The following RNF144B variants were observed in gnomAD, a reference collection of about 807,000 sequenced individuals.
RNF144B encodes the protein E3 ubiquitin-protein ligase RNF144B.
A neutral mutation model predicts 40.2 loss-of-function variants in RNF144B; 25 were observed. That is an observed-to-expected ratio of 0.62 (90% CI 0.45 to 0.87). The LOEUF (loss-of-function observed/expected upper bound fraction) is 0.87. RNF144B is among the 40% of genes least tolerant of loss of function. The pLI is 0.00. For missense variants in RNF144B, 365 were observed against 373.7 expected, an observed-to-expected ratio of 0.98 and a Z score of 0.19; for synonymous variants, 145 against 136.3, an observed-to-expected ratio of 1.06 and a Z score of -0.44.
chr6:18,455,397 GGA>G (rs1296690858), intron 4 of RNF144B, among the ~76,000 whole-genome samples: 1 of 152,144 alleles, frequency 6.6e-6, no homozygotes, highest in African/African-American at 2.4e-5. Flanking sequence ...AGACATTAGT[GGA>G]GACAGTATTT....
rs374374293 is a variant in RNF144B, at chr6:18,434,621, T to TTTTG, written c.271-5051_271-5048dup. ...GCTGAGTAGGAACTGAGTGTTTTTG[T>TTTTG]TTTGTTTGTTTGTTTTTTTAGACAG... is the stretch of plus-strand genomic sequence containing the variant. On this transcript the variant is annotated intron_variant, in intron 3 of 7. Transcript: ENST00000259939. This position sits in a 1 kb window ranked among gnomAD's most constrained non-coding sequence, Gnocchi z 4.1. Among the ~76,000 whole-genome samples, 1,125 of 146,818 alleles carry TTTTG rather than the reference T, an allele frequency of 7.7e-3. 17 individuals carry two copies. The highest frequency in any genetic ancestry group is 0.026 in the African/African-American group (1,054 of 40,902).
At chr6:18,428,711 T>C (rs1758623737) in intron 3 of RNF144B, among the ~76,000 whole-genome samples, 4 of 152,130 alleles carry the variant, frequency 2.6e-5, no homozygotes. Flanking sequence ...CACCCCCCAG[T>C]TGTTTTCATT....
intron 3 of RNF144B, among the ~76,000 whole-genome samples, chr6:18,429,865 G>A (rs1758655164): frequency 6.6e-6 from 1 of 152,116 alleles, no homozygotes; most frequent in African/African-American, 2.4e-5. Context: ...CTGGGCTGGA[G>A]AGGAGAATAA....
chr6:18,437,734 A>G (rs1180853390), intron 3 of RNF144B, among the ~76,000 whole-genome samples: 1 of 152,218 alleles, frequency 6.6e-6, no homozygotes, highest in Non-Finnish European at 1.5e-5. Context: ...TTATTTTTCT[A>G]ATTTAAAATT....
intron 2 of RNF144B, among the ~76,000 whole-genome samples, chr6:18,403,909 C>G (rs1794842426): frequency 6.6e-6 from 1 of 152,158 alleles, no homozygotes; most frequent in African/African-American, 2.4e-5. Flanking sequence ...TTTCTAAAAA[C>G]TCACTCTGGC....
intron 2 of RNF144B, among the ~76,000 whole-genome samples, chr6:18,403,372 A>T (rs1197335018): frequency 6.6e-6 from 1 of 152,246 alleles, no homozygotes; most frequent in African/African-American, 2.4e-5. Flanking sequence ...TTTATAACTT[A>T]GATAATTTCA....
At position 18,446,395 on chromosome 6, in the gene RNF144B, G is replaced by A. The variant is rs1227896534; in HGVS notation, c.331+6651G>A. Among the ~76,000 whole-genome samples the A allele has an allele frequency of 1.3e-5, 2 of 152,124 alleles. No individual in the cohort carries two copies. Among genetic ancestry groups the A allele is most frequent in the Non-Finnish European group, 2.9e-5 (2 of 68,020 alleles). ...TGCTGTGCTCAGATATCTTTTCAGT[G>A]GAATCTGGCCAGATTTCTATGTCTG... On this transcript the variant is annotated intron_variant, in intron 4 of 7. Transcript: ENST00000259939. This position sits in a 1 kb window ranked among gnomAD's most constrained non-coding sequence, Gnocchi z 4.7.
Position 18,398,454 on chromosome 6 carries a change from C to G in RNF144B, c.-36-1045C>G, listed in dbSNP as rs1053734544. On this transcript the variant is annotated intron_variant, in intron 1 of 7. Coordinates refer to ENST00000259939, the MANE Select transcript of RNF144B (RefSeq NM_182757.4). The surrounding 1 kb of genome is among the most constrained non-coding windows in gnomAD (Gnocchi z 5.0). The stretch of plus-strand genomic sequence containing the variant: ...TGACGCAATCTTGACTCACTGCAAC[C>G]TCTGCCTCCTGGGTTCAAGTGATTC... Among the ~76,000 whole-genome samples, 1 of 152,102 alleles carries G rather than the reference C, an allele frequency of 6.6e-6. No homozygotes were observed. The highest frequency in any genetic ancestry group is 2.4e-5 in the African/African-American group (1 of 41,344).
intron 6 of RNF144B, among the ~76,000 whole-genome samples, chr6:18,462,646 C>T (rs1001930085): frequency 6.8e-6 from 1 of 147,156 alleles, no homozygotes; most frequent in South Asian, 2.3e-4. Flanking sequence ...GAGCTAGTTT[C>T]TCTGCTGAGG....
At position 18,460,057 on chromosome 6, in the gene RNF144B, G is replaced by A. The variant is rs1445002564; in HGVS notation, c.681+306G>A. Among the ~76,000 whole-genome samples, 2 of 152,110 alleles carry A rather than the reference G, an allele frequency of 1.3e-5. No individual in the cohort carries two copies. The highest frequency in any genetic ancestry group is 2.9e-5 in the Non-Finnish European group (2 of 68,040). The stretch of plus-strand genomic sequence containing the variant: ...CTTCATTTTATATTGCTGTTGTAAC[G>A]AATTAGCACATACTTAGTGGCTTAA... On this transcript the variant is annotated intron_variant, in intron 6 of 7. Transcript: ENST00000259939. The surrounding 1 kb of genome is among the most constrained non-coding windows in gnomAD (Gnocchi z 4.4).
Position 18,406,043 on chromosome 6 carries a change from C to T in RNF144B, c.165+6344C>T, listed in dbSNP as rs757613712. The T allele has an allele frequency of 3.9e-6, 2 of 518,644 alleles. No homozygotes were observed. Among genetic ancestry groups the T allele is most frequent in the African/African-American group, 1.9e-5 (1 of 51,934 alleles). The allele number at this position is 518,644 out of a possible 1,614,324, so 32.1% of individuals were successfully genotyped here. A position where few individuals can be genotyped will look rare whatever the true frequency, so the allele number is the denominator to read the frequency against. On this transcript the variant is annotated intron_variant, in intron 2 of 7. Transcript: ENST00000259939. The surrounding 1 kb of genome is among the most constrained non-coding windows in gnomAD (Gnocchi z 4.2). ...AGAGAATGGGTCTCAAGTTTGGTAG[C>T]TTAGGCTTTATTTATTCAACAAATA...
rs914011550 is a variant in RNF144B, at chr6:18,448,141, T to TTTTTG, written c.331+8417_331+8421dup. On this transcript the variant is annotated intron_variant, in intron 4 of 7. Coordinates refer to ENST00000259939, the MANE Select transcript of RNF144B (RefSeq NM_182757.4). The surrounding 1 kb of genome is among the most constrained non-coding windows in gnomAD (Gnocchi z 4.0). ...ATATATTAACTCTTTCAAGGAGTGT[T>TTTTTG]TTTTGTTTTGTTTTGTTTTGTTTTT... is the stretch of plus-strand genomic sequence containing the variant. Among the ~76,000 whole-genome samples the TTTTTG allele has an allele frequency of 6.6e-5, 10 of 152,092 alleles. No homozygotes were observed. The highest frequency in any genetic ancestry group is 2.1e-4 in the South Asian group (1 of 4,802).
intron 1 of RNF144B, among the ~76,000 whole-genome samples, chr6:18,397,410 A>C (rs937510070): frequency 6.6e-6 from 1 of 152,192 alleles, no homozygotes; most frequent in Non-Finnish European, 1.5e-5. Flanking sequence ...ATTTATTAGA[A>C]TTGGCCACTC....
intron 2 of RNF144B, among the ~76,000 whole-genome samples, chr6:18,413,275 C>T (rs1795083245): frequency 6.6e-6 from 1 of 152,162 alleles, no homozygotes; most frequent in South Asian, 2.1e-4. Context: ...CCTGAAATGT[C>T]TAAAGCTTGA....
At position 18,412,480 on chromosome 6, in the gene RNF144B, A is replaced by C. The variant is rs1795067547; in HGVS notation, c.165+12781A>C. Among the ~76,000 whole-genome samples the C allele has an allele frequency of 6.6e-6, 1 of 152,240 alleles. No homozygotes were observed. The highest frequency in any genetic ancestry group is 1.5e-5 in the Non-Finnish European group (1 of 68,036). On this transcript the variant is annotated intron_variant, in intron 2 of 7. Transcript: ENST00000259939. This position sits in a 1 kb window ranked among gnomAD's most constrained non-coding sequence, Gnocchi z 4.2. ...AGTTAGAAAAAAATGGGCCATATCTAGAAAAGTATATTACACATAGAAGAC... is the reference window on the plus strand; with the variant it reads ...AGTTAGAAAAAAATGGGCCATATCTCGAAAAGTATATTACACATAGAAGAC...
intron 1 of RNF144B, among the ~76,000 whole-genome samples, chr6:18,397,443 G>A (rs1261645233): frequency 6.6e-6 from 1 of 152,060 alleles, no homozygotes; most frequent in Non-Finnish European, 1.5e-5. Flanking sequence ...AAGAACTATA[G>A]GATTTTGCTT....
rs1394025469 is a variant in RNF144B, at chr6:18,446,838, A to AGG, written c.331+7096_331+7097dup. Among the ~76,000 whole-genome samples, 14 of 103,962 alleles carry AGG rather than the reference A, an allele frequency of 1.3e-4. No homozygotes were observed. The South Asian group carries it at 1.5e-3, about 11-fold the overall frequency. 68.2% of individuals were successfully genotyped at this position (103,962 alleles called of 152,430 possible). A position where few individuals can be genotyped will look rare whatever the true frequency, so the allele number is the denominator to read the frequency against. ...ATTAAAGTTTTATTGGTTCTATTTT[A>AGG]GGGTGTGTGTGTGTGTGTGTGTGTG... On this transcript the variant is annotated intron_variant, in intron 4 of 7. Transcript: ENST00000259939. This position sits in a 1 kb window ranked among gnomAD's most constrained non-coding sequence, Gnocchi z 4.7.
Position 18,441,343 on chromosome 6 carries a change from T to C in RNF144B, c.331+1599T>C, listed in dbSNP as rs945303543. Among the ~76,000 whole-genome samples the C allele has an allele frequency of 6.6e-6, 1 of 152,142 alleles. No individual in the cohort carries two copies. The highest frequency in any genetic ancestry group is 2.1e-4 in the South Asian group (1 of 4,822). On this transcript the variant is annotated intron_variant, in intron 4 of 7. Transcript: ENST00000259939. The surrounding 1 kb of genome is among the most constrained non-coding windows in gnomAD (Gnocchi z 4.9). ...CCTGGAGAAAGCCTACAGAGTTAGG[T>C]TGGATTTTCAGGCTGCTGCTTAAAT...
intron 2 of RNF144B, among the ~76,000 whole-genome samples, chr6:18,401,426 G>A (rs1370991053): frequency 6.6e-6 from 1 of 152,146 alleles, no homozygotes; most frequent in African/African-American, 2.4e-5. Flanking sequence ...GAGTCAAATG[G>A]CTGAATGTTT....
Sources: gnomAD v4.1 joint callset for allele counts (sites outside exome capture counted in the v4.1 genomes callset) on GRCh38, gnomAD v4.1.1 for gene constraint, Gnocchi (gnomAD v3.1) non-coding constraint, MANE v1.5 for transcripts, NCBI Gene and HGNC (gene_info 2026-07-23, HGNC 2026-07-21) for gene names.